GLOD4: variants seen among roughly 807,000 people sequenced by gnomAD.
GLOD4 encodes glyoxalase domain-containing protein 4.
A neutral mutation model predicts 39.1 loss-of-function variants in GLOD4; 44 were observed. The ratio of observed to expected loss-of-function variants is 1.13; its 90% CI spans 0.88 to 1.45. The LOEUF is 1.45. Ranked by LOEUF, GLOD4 falls within the 40% of genes most tolerant of loss-of-function variation. GLOD4 has a pLI of 0.00. For missense variants in GLOD4, 405 were observed against 366.4 expected, an observed-to-expected ratio of 1.11 and a Z score of -0.86; for synonymous variants, 145 against 135.0, an observed-to-expected ratio of 1.07 and a Z score of -0.52.
chr17:770,373 T>C, intron 6 of GLOD4, 48 bp downstream of exon 6: 1 of 958,464 alleles, frequency 1.0e-6, no homozygotes, highest in Non-Finnish European at 1.7e-6. Context: ...CTTAGCTGGG[T>C]TGAACTAGCT....
chr17:775,733 A>T (rs748683487), intron 4 of GLOD4, 42 bp downstream of exon 4: 16 of 1,547,288 alleles, frequency 1.0e-5, no homozygotes, highest in Non-Finnish European at 1.4e-5. Context: ...TTCACCAAAG[A>T]TGCCTTTAGA....
intron 4 of GLOD4, among the ~76,000 whole-genome samples, chr17:773,953 G>A (rs1476340285): frequency 6.6e-6 from 1 of 152,166 alleles, no homozygotes; most frequent in African/African-American, 2.4e-5. Context: ...AACCAGAAAT[G>A]CCCAAGGGGA....
At chr17:764,615 AGAAT>A (rs997668375) in intron 8 of GLOD4, 5 of 152,222 alleles carry the variant, frequency 3.3e-5, no homozygotes, top group African/African-American at 1.2e-4. Context: ...CACCATTATA[AGAAT>A]GAATGAGCAA....
intron 2 of GLOD4, chr17:778,469 C>G (rs996807465): frequency 1.7e-6 from 1 of 596,776 alleles, no homozygotes; most frequent in African/African-American, 1.9e-5. Context: ...TCCCGACGCT[C>G]CTGAAGTTGC....
At chr17:767,200 G>A (rs532026311) in intron 8 of GLOD4, among the ~76,000 whole-genome samples, 1 of 152,202 alleles carries the variant, frequency 6.6e-6, no homozygotes, top group Non-Finnish European at 1.5e-5. Context: ...CAGTCACAGA[G>A]TTACGTGACA....
At chr17:762,296 GCT>G (rs373575686) in intron 8 of GLOD4, among the ~76,000 whole-genome samples, 3 of 152,206 alleles carry the variant, frequency 2.0e-5, no homozygotes, top group African/African-American at 7.2e-5. Flanking sequence ...ACCAAAACTG[GCT>G]CTGAGGATTC....
intron 1 of GLOD4, among the ~76,000 whole-genome samples, chr17:779,670 G>A (rs188308211): frequency 2.2e-4 from 33 of 151,832 alleles, no homozygotes; most frequent in African/African-American, 7.7e-4. Context: ...TTGGAATTCT[G>A]TCATTTAGTA....
intron 3 of GLOD4, 142 bp downstream of exon 3, chr17:776,726 C>A: frequency 1.5e-6 from 1 of 665,372 alleles, no homozygotes; most frequent in African/African-American, 1.8e-5. Flanking sequence ...CCCAGATATC[C>A]ACGTGGCTAA....
intron 8 of GLOD4, among the ~76,000 whole-genome samples, chr17:760,564 G>A (rs868759636): frequency 4.6e-5 from 7 of 152,308 alleles, no homozygotes; most frequent in East Asian, 1.9e-4. Context: ...TCAGGGACCC[G>A]CATGCCAGGC....
At chr17:769,719 A>T in intron 8 of GLOD4, 150 bp downstream of exon 8, 1 of 636,782 alleles carries the variant, frequency 1.6e-6, no homozygotes, top group Middle Eastern at 2.9e-4. Context: ...GGCAGTGAAG[A>T]CATCGGTCCT....
At chr17:777,861 G>T (rs1220103807) in intron 2 of GLOD4, among the ~76,000 whole-genome samples, 1 of 152,154 alleles carries the variant, frequency 6.6e-6, no homozygotes, top group African/African-American at 2.4e-5. Context: ...TTAGAGTGGG[G>T]CCTCTACATA....
At chr17:782,512 G>C (rs2249542), upstream of GLOD4, 1 of 1,613,266 alleles carries the variant, frequency 6.2e-7, no homozygotes, top group Non-Finnish European at 8.5e-7. Context: ...TTTCCTTCCG[G>C]AGAGGTGGTG....
At position 775,843 on chromosome 17, in the gene GLOD4, C is replaced by T. The variant is rs1376176132; in HGVS notation, c.338G>A (p.Gly113Asp). ...LEWPLTEVAEGVFETEAPGGY... is the reference protein window; with the variant it reads ...LEWPLTEVAEDVFETEAPGGY... ...TCCCGGGGCCTCGGTTTCAAAAACA[C>T]CTTCTGCAACTTCCGTCAGTGGCCA... Residue 113 changes from glycine (G) to aspartate (D), a missense_variant, in exon 4 of 9, where the codon GGT becomes GAT. Transcript: ENST00000301329. 5.0e-6 allele frequency: 8 copies of T among 1,613,848 alleles called. No homozygotes were observed. The highest frequency in any genetic ancestry group is 6.8e-6 in the Non-Finnish European group (8 of 1,179,708).
intron 8 of GLOD4, chr17:763,843 C>T (rs1186714265): frequency 6.6e-6 from 1 of 152,114 alleles, no homozygotes; most frequent in Non-Finnish European, 1.5e-5. Context: ...GAAAGTGCTA[C>T]ATGTAAGAGA....
intron 8 of GLOD4, among the ~76,000 whole-genome samples, chr17:766,080 T>C (rs566657210): frequency 3.3e-5 from 5 of 151,500 alleles, no homozygotes; most frequent in Non-Finnish European, 7.4e-5. Flanking sequence ...ATCGAATGAT[T>C]GAGCCCAGGA....
upstream of GLOD4, chr17:783,468 C>G: frequency 1.2e-6 from 1 of 820,096 alleles, no homozygotes; most frequent in Non-Finnish European, 1.8e-6. Context: ...TCCGCAGTAG[C>G]TGGGATTACA....
chr17:782,469 C>T (rs1910160862), upstream of GLOD4: 6 of 1,613,774 alleles, frequency 3.7e-6, no homozygotes, highest in Non-Finnish European at 5.1e-6. Context: ...GCGCTGGGTC[C>T]GGGCGCTGCG....
At chr17:780,150 C>T (rs578015860) in intron 1 of GLOD4, among the ~76,000 whole-genome samples, 5 of 151,706 alleles carry the variant, frequency 3.3e-5, no homozygotes, top group Non-Finnish European at 7.4e-5. Flanking sequence ...GGCGAAAGAG[C>T]GAGACTCCGT....
intron 8 of GLOD4, among the ~76,000 whole-genome samples, chr17:768,459 C>G (rs1285424418): frequency 7.0e-6 from 1 of 143,130 alleles, no homozygotes; most frequent in Non-Finnish European, 1.5e-5. Context: ...GGAGAAACAG[C>G]GCGCACTCAG....
Sources: allele counts gnomAD v4.1 joint callset (sites outside exome capture counted in the v4.1 genomes callset), GRCh38; gene constraint gnomAD v4.1.1; transcripts MANE v1.5; gene names NCBI Gene and HGNC (gene_info 2026-07-23, HGNC 2026-07-21).